Variants in LRP1B observed in about 807,000 individuals in gnomAD.
LRP1B encodes low-density lipoprotein receptor-related protein 1B.
A neutral mutation model predicts 556.6 loss-of-function variants in LRP1B; 217 were observed. The ratio of observed to expected loss-of-function variants is 0.39; its 90% CI spans 0.35 to 0.44. The LOEUF (loss-of-function observed/expected upper bound fraction) is 0.44, where lower values mean the gene tolerates loss of function less well. Among genes scored for constraint, LRP1B ranks in the 20% least tolerant of loss-of-function variants. The pLI is 1.00. For synonymous variants in LRP1B, 2,047 were observed against 1,865.8 expected, an observed-to-expected ratio of 1.10 and a Z score of -2.50; for missense variants, 5,053 against 5,620.8, an observed-to-expected ratio of 0.90 and a Z score of 3.23.
At chr2:140,507,961 T>C (rs1010571309) in intron 52 of LRP1B, among the ~76,000 whole-genome samples, 19 of 152,306 alleles carry the variant, frequency 1.2e-4, no homozygotes, top group African/African-American at 4.3e-4. Flanking sequence ...AGATAATGTA[T>C]GTGAAGCAGA....
chr2:140,903,001 C>T lies in LRP1B; in HGVS notation c.3685G>A (p.Glu1229Lys), dbSNP rs2105222824. Residue 1229 changes from glutamate (E) to lysine (K), a missense_variant, in exon 23 of 91, where the codon GAG becomes AAG. Transcript: ENST00000389484. ...SNHLKCSQVCEQHKHTVKCSC... is the reference protein window; with the variant it reads ...SNHLKCSQVCKQHKHTVKCSC... ...CACTTGACTGTGTGCTTGTGCTGCT[C>T]ACATACTTGGCTGCACTTTAGATGA... The T allele has an allele frequency of 1.2e-6, 2 of 1,613,702 alleles. No homozygotes were observed. Among genetic ancestry groups the T allele is most frequent in the East Asian group, 2.2e-5 (1 of 44,842 alleles).
At chr2:141,059,490 C>A (rs998555353) in intron 8 of LRP1B, among the ~76,000 whole-genome samples, 1 of 151,756 alleles carries the variant, frequency 6.6e-6, no homozygotes, top group African/African-American at 2.4e-5. Context: ...AATGAGAAAG[C>A]ACCTCCGAAG....
chr2:141,139,723 C>T (rs1190343238), intron 7 of LRP1B, among the ~76,000 whole-genome samples: 3 of 151,186 alleles, frequency 2.0e-5, no homozygotes, highest in Non-Finnish European at 4.4e-5. Flanking sequence ...TGTAGGGAAA[C>T]TGAAATTCTT....
chr2:141,119,181 G>A (rs1700981751), intron 7 of LRP1B, among the ~76,000 whole-genome samples: 1 of 151,708 alleles, frequency 6.6e-6, no homozygotes, highest in South Asian at 2.1e-4. Context: ...TTCAAAACCA[G>A]GAAACATATT....
intron 29 of LRP1B, among the ~76,000 whole-genome samples, chr2:140,843,876 G>C (rs1430425667): frequency 1.3e-5 from 2 of 152,026 alleles, no homozygotes; most frequent in African/African-American, 4.8e-5. Flanking sequence ...TTGCTAATGT[G>C]TCTTTTTGGC....
intron 11 of LRP1B, among the ~76,000 whole-genome samples, chr2:141,020,936 G>A (rs1698047865): frequency 6.6e-6 from 1 of 151,924 alleles, no homozygotes; most frequent in Non-Finnish European, 1.5e-5. Flanking sequence ...AAAACTGCAC[G>A]GTTCCTAGGG....
chr2:142,041,551 C>G (rs554637361), intron 1 of LRP1B, among the ~76,000 whole-genome samples: 2 of 151,378 alleles, frequency 1.3e-5, no homozygotes, highest in East Asian at 3.9e-4. Context: ...AACAAAAAAG[C>G]CTTTTTTGCT....
At chr2:140,528,754 C>A (rs550134557) in intron 47 of LRP1B, among the ~76,000 whole-genome samples, 1 of 151,152 alleles carries the variant, frequency 6.6e-6, no homozygotes, top group East Asian at 2.0e-4. Flanking sequence ...CATTAACAGG[C>A]AAGGAAGGAG....
rs542892945 is a variant in LRP1B at position 141,256,241 on chromosome 2, A to G, written c.344-1600T>C. Reference sequence around the variant, plus strand: ...TAAAAGTATGAGAGTTTGGATAGACAAAATTAATGAGAATGTAGCCTAGGT... The same window carrying G: ...TAAAAGTATGAGAGTTTGGATAGACGAAATTAATGAGAATGTAGCCTAGGT... On this transcript the variant is annotated intron_variant, in intron 3 of 90. Coordinates refer to ENST00000389484, the MANE Select transcript of LRP1B (RefSeq NM_018557.3). 5.5e-4 allele frequency among the ~76,000 whole-genome samples: 83 copies of G among 152,152 alleles called. No individual in the cohort carries two copies. In the South Asian group the frequency reaches 0.016, roughly 30 times the overall value.
Position 140,318,076 on chromosome 2 carries a change from A to G in LRP1B, c.12641-2977T>C, listed in dbSNP as rs142591878. 4.9e-4 allele frequency among the ~76,000 whole-genome samples: 75 copies of G among 152,234 alleles called. 1 individual carries two copies. The highest frequency in any genetic ancestry group is 6.8e-3 in the Middle Eastern group (2 of 294). ...TTCAAATTTCTTACACAAAGATTAA[A>G]AATGTTCAGGGTGCTCATCAGTTAA... On this transcript the variant is annotated intron_variant, in intron 82 of 90. Transcript: ENST00000389484.
At position 141,565,553 on chromosome 2, in the gene LRP1B, T is replaced by C. The variant is rs114815091; in HGVS notation, c.206-85020A>G. On this transcript the variant is annotated intron_variant, in intron 2 of 90. Transcript: ENST00000389484. The stretch of plus-strand genomic sequence containing the variant: ...AATAAAGATTTTATTATCATTTTAT[T>C]GGGATGAACATCCTATCTTACTCAT... 4.4e-3 allele frequency among the ~76,000 whole-genome samples: 677 copies of C among 152,326 alleles called. 9 individuals carry two copies. The highest frequency in any genetic ancestry group is 0.016 in the African/African-American group (650 of 41,590).
chr2:142,045,193 C>A (rs1291127512), intron 1 of LRP1B, among the ~76,000 whole-genome samples: 1 of 150,500 alleles, frequency 6.6e-6, no homozygotes, highest in Non-Finnish European at 1.5e-5. Context: ...TAGGAGTAAG[C>A]AGGAATAGAA....
At chr2:140,715,262 A>C (rs1687167763) in intron 37 of LRP1B, among the ~76,000 whole-genome samples, 1 of 152,090 alleles carries the variant, frequency 6.6e-6, no homozygotes, top group African/African-American at 2.4e-5. Context: ...TATTAAAAAA[A>C]AATCACTCTA....
At position 142,130,512 on chromosome 2, in the gene LRP1B, C is replaced by A. The variant is rs191215175; in HGVS notation, c.82+136G>T. ...CCGCACCTCTCACCCCCGCACAGGG[C>A]CAGCGCACGGTGGTCACCCGGTCCC... is the stretch of plus-strand genomic sequence containing the variant. On this transcript the variant is annotated intron_variant, in intron 1 of 90. Transcript: ENST00000389484. The A allele has an allele frequency of 4.1e-4, 284 of 700,180 alleles. No homozygotes were observed. In the African/African-American group the frequency reaches 4.6e-3, roughly 11 times the overall value. 43.4% of individuals were successfully genotyped at this position (700,180 alleles called of 1,614,324 possible).
At chr2:140,315,960 T>C (rs1470978315) in intron 82 of LRP1B, among the ~76,000 whole-genome samples, 2 of 152,170 alleles carry the variant, frequency 1.3e-5, no homozygotes, top group African/African-American at 4.8e-5. Flanking sequence ...TTATCCTAAA[T>C]GATTCCGTAG....
intron 2 of LRP1B, among the ~76,000 whole-genome samples, chr2:141,538,685 G>A (rs1482584071): frequency 2.0e-5 from 3 of 149,240 alleles, no homozygotes; most frequent in Non-Finnish European, 4.4e-5. Flanking sequence ...CACCCAGGCT[G>A]GAGTGCAGCA....
At chr2:141,702,884 C>T (rs1319567112) in intron 2 of LRP1B, among the ~76,000 whole-genome samples, 3 of 151,784 alleles carry the variant, frequency 2.0e-5, no homozygotes, top group Admixed American at 6.6e-5. Flanking sequence ...TTTTTGTCTG[C>T]CCAAGTTGTG....
At chr2:141,862,041 T>A (rs1698263370) in intron 1 of LRP1B, among the ~76,000 whole-genome samples, 2 of 152,348 alleles carry the variant, frequency 1.3e-5, no homozygotes, top group East Asian at 3.9e-4. Context: ...ATAAAATTCC[T>A]ATTTTGATAG....
At chr2:142,054,849 A>G (rs957553808) in intron 1 of LRP1B, among the ~76,000 whole-genome samples, 2 of 152,130 alleles carry the variant, frequency 1.3e-5, no homozygotes, top group Non-Finnish European at 1.5e-5. Context: ...CACTTAAGCA[A>G]AAAGTTATAG....
Sources: allele counts gnomAD v4.1 joint callset (sites outside exome capture counted in the v4.1 genomes callset), GRCh38; gene constraint gnomAD v4.1.1; transcripts MANE v1.5; gene names NCBI Gene and HGNC (gene_info 2026-07-23, HGNC 2026-07-21).